Variants in ZNF385D observed in about 807,000 individuals in gnomAD.
The protein encoded by ZNF385D is zinc finger protein 659.
A neutral mutation model predicts 35.8 loss-of-function variants in ZNF385D; 15 were observed. The ratio of observed to expected loss-of-function variants is 0.42; its 90% CI spans 0.28 to 0.64. The LOEUF is 0.64. ZNF385D is among the 30% of genes least tolerant of loss of function. The pLI, the probability that ZNF385D is intolerant of heterozygous loss-of-function variation, is 0.23. For synonymous variants in ZNF385D, 212 were observed against 186.8 expected, an observed-to-expected ratio of 1.13 and a Z score of -1.10; for missense variants, 474 against 494.6, an observed-to-expected ratio of 0.96 and a Z score of 0.39.
intron 2 of ZNF385D, among the ~76,000 whole-genome samples, chr3:22,216,569 GAGA>G (rs1220108914): frequency 6.6e-6 from 1 of 152,076 alleles, no homozygotes; most frequent in African/African-American, 2.4e-5. Flanking sequence ...GGAAAACGTG[GAGA>G]AGAAGCAATA....
intron 1 of ZNF385D, among the ~76,000 whole-genome samples, chr3:21,697,215 AT>A (rs1165316045): frequency 1.3e-5 from 2 of 152,160 alleles, no homozygotes; most frequent in African/African-American, 4.8e-5. Flanking sequence ...TCGAAAAAAG[AT>A]TTGAGTGCTT....
At chr3:21,583,461 C>G (rs1412517161) in intron 2 of ZNF385D, among the ~76,000 whole-genome samples, 2 of 152,150 alleles carry the variant, frequency 1.3e-5, no homozygotes, top group Non-Finnish European at 2.9e-5. Flanking sequence ...GGGTACAAAA[C>G]AGCTTCAGAT....
intron 3 of ZNF385D, among the ~76,000 whole-genome samples, chr3:21,869,240 G>A (rs976277237): frequency 2.0e-5 from 3 of 152,090 alleles, no homozygotes; most frequent in Non-Finnish European, 4.4e-5. Context: ...TATTTTGACA[G>A]GGCAGAGATA....
chr3:22,070,640 A>C (rs993529900), intron 3 of ZNF385D, among the ~76,000 whole-genome samples: 7 of 152,178 alleles, frequency 4.6e-5, no homozygotes, highest in Non-Finnish European at 1.0e-4. Context: ...TAGTAAGTCC[A>C]GGGTAGAGGA....
In ZNF385D at chr3:21,759,003, A is replaced by AAAC. The variant is rs2070480559; in HGVS notation, c.326-93976_326-93975insGTT. Among the ~76,000 whole-genome samples the AAAC allele has an allele frequency of 3.5e-5, 5 of 142,970 alleles. No homozygotes were observed. In the Admixed American group the frequency reaches 3.5e-4, roughly 10 times the overall value. 93.8% of individuals were successfully genotyped at this position (142,970 alleles called of 152,430 possible). A position where few individuals can be genotyped will look rare whatever the true frequency, so the allele number is the denominator to read the frequency against. ...AAAAAAAAAAAAAAAAAAAAAAAAA[A>AAAC]AAACAGTGGTGATGCTATTGTAACA... On this transcript the variant is annotated intron_variant, in intron 3 of 5. Transcript: ENST00000494108.
At chr3:22,321,007 A>T (rs1367650930) in intron 2 of ZNF385D, among the ~76,000 whole-genome samples, 3 of 151,956 alleles carry the variant, frequency 2.0e-5, no homozygotes, top group African/African-American at 7.2e-5. Flanking sequence ...GCGGAAAAAC[A>T]TAATAAATCC....
At chr3:21,996,363 G>A (rs1474080567) in intron 3 of ZNF385D, among the ~76,000 whole-genome samples, 1 of 152,110 alleles carries the variant, frequency 6.6e-6, no homozygotes, top group African/African-American at 2.4e-5. Flanking sequence ...TGACCAGGAT[G>A]GCTGCTTTAT....
intron 3 of ZNF385D, among the ~76,000 whole-genome samples, chr3:21,513,210 A>AAAAAAC (rs1037152658): frequency 1.3e-5 from 2 of 152,162 alleles, no homozygotes; most frequent in Non-Finnish European, 2.9e-5. Flanking sequence ...GTCTTACACC[A>AAAAAAC]AAAAACAAAA....
chr3:22,359,949 T>C (rs540419550), intron 2 of ZNF385D, among the ~76,000 whole-genome samples: 1 of 152,036 alleles, frequency 6.6e-6, no homozygotes, highest in South Asian at 2.1e-4. Context: ...ACATGTATAA[T>C]TGAGTTCTTA....
At chr3:22,114,728 T>C (rs2125652540) in intron 3 of ZNF385D, among the ~76,000 whole-genome samples, 1 of 152,138 alleles carries the variant, frequency 6.6e-6, no homozygotes, top group Middle Eastern at 3.4e-3. Flanking sequence ...TATTAGTAAA[T>C]TGCTAAAGTG....
chr3:21,522,817 A>G (rs1707996709), intron 3 of ZNF385D, among the ~76,000 whole-genome samples: 1 of 152,184 alleles, frequency 6.6e-6, no homozygotes, highest in South Asian at 2.1e-4. Flanking sequence ...ATTAAGAAAA[A>G]AAATTTTTTG....
intron 1 of ZNF385D, among the ~76,000 whole-genome samples, chr3:21,689,632 T>A (rs975799012): frequency 2.6e-5 from 4 of 152,178 alleles, no homozygotes; most frequent in Non-Finnish European, 5.9e-5. Context: ...GCACAGATTA[T>A]GGAGGAGGTC....
At chr3:21,744,450 C>G (rs1401427906) in intron 1 of ZNF385D, among the ~76,000 whole-genome samples, 1 of 152,154 alleles carries the variant, frequency 6.6e-6, no homozygotes, top group Non-Finnish European at 1.5e-5. Context: ...AAATTGTATT[C>G]ATTTTCTTCT....
At chr3:22,119,119 G>A (rs1435653134) in intron 3 of ZNF385D, among the ~76,000 whole-genome samples, 2 of 152,120 alleles carry the variant, frequency 1.3e-5, no homozygotes, top group African/African-American at 2.4e-5. Context: ...GGGATAGGAC[G>A]TCCTGTGGTG....
intron 1 of ZNF385D, among the ~76,000 whole-genome samples, chr3:21,682,874 C>A (rs993673887): frequency 2.0e-5 from 3 of 149,938 alleles, no homozygotes; most frequent in East Asian, 4.0e-4. Context: ...TACCTATGTA[C>A]CAGTAAGATT....
intron 3 of ZNF385D, among the ~76,000 whole-genome samples, chr3:21,553,412 A>C (rs2125605269): frequency 6.6e-6 from 1 of 152,332 alleles, no homozygotes; most frequent in Admixed American, 6.5e-5. Context: ...CAATGTATAT[A>C]CTTTAATTTT....
At chr3:21,656,835 C>T (rs1033691335) in intron 2 of ZNF385D, among the ~76,000 whole-genome samples, 6 of 151,846 alleles carry the variant, frequency 4.0e-5, no homozygotes, top group African/African-American at 7.2e-5. Flanking sequence ...AATATTCTTT[C>T]ATTTTAACAT....
intron 2 of ZNF385D, among the ~76,000 whole-genome samples, chr3:22,190,871 C>G (rs1695973176): frequency 2.0e-5 from 3 of 151,742 alleles, no homozygotes; most frequent in Admixed American, 2.0e-4. Flanking sequence ...ATCACATGAC[C>G]TACCACTTTA....
intron 3 of ZNF385D, among the ~76,000 whole-genome samples, chr3:21,951,421 G>C (rs769695148): frequency 5.3e-5 from 8 of 151,676 alleles, no homozygotes; most frequent in Non-Finnish European, 1.2e-4. Context: ...TGCTGAAGCT[G>C]CTTATCAGCT....
Sources: gnomAD v4.1 joint callset for allele counts (sites outside exome capture counted in the v4.1 genomes callset) on GRCh38, gnomAD v4.1.1 for gene constraint, MANE v1.5 for transcripts, NCBI Gene and HGNC (gene_info 2026-07-23, HGNC 2026-07-21) for gene names.